The following PDPN variants were observed in gnomAD, a reference collection of about 807,000 sequenced individuals.
The protein encoded by PDPN is PA2.26 antigen.
A neutral mutation model predicts 23.2 loss-of-function variants in PDPN; 12 were observed. That is an observed-to-expected ratio of 0.52 (90% CI 0.33 to 0.84). PDPN has a LOEUF of 0.84. Among genes scored for constraint, PDPN ranks in the 40% least tolerant of loss-of-function variants. The pLI is 0.02. For synonymous variants in PDPN, 77 were observed against 76.7 expected, an observed-to-expected ratio of 1.00 and a Z score of -0.02; for missense variants, 199 against 212.2, an observed-to-expected ratio of 0.94 and a Z score of 0.39.
intron 2 of PDPN, among the ~76,000 whole-genome samples, 182 bp from the exon 3 acceptor site, chr1:13,610,205 A>G (rs556155222): frequency 1.3e-5 from 2 of 152,288 alleles, no homozygotes; most frequent in African/African-American, 4.8e-5. Context: ...TGCTGCTATG[A>G]ACATGTGTGT....
chr1:13,601,080 G>T (rs1022384581), intron 1 of PDPN, among the ~76,000 whole-genome samples: 1 of 152,236 alleles, frequency 6.6e-6, no homozygotes, highest in African/African-American at 2.4e-5. Context: ...GTCAGTGCCA[G>T]ATCTTGAACG....
At chr1:13,595,069 T>C (rs986258055) in intron 1 of PDPN, among the ~76,000 whole-genome samples, 15 of 151,652 alleles carry the variant, frequency 9.9e-5, no homozygotes, top group Non-Finnish European at 2.1e-4. Context: ...CATTCTCCCA[T>C]AAATCCAGCA....
Position 13,617,117 on chromosome 1 carries a change from C to T in PDPN, c.*1206C>T, listed in dbSNP as rs1041291506. 5 of 151,366 alleles carry T rather than the reference C, an allele frequency of 3.3e-5. No individual in the cohort carries two copies. Among genetic ancestry groups the T allele is most frequent in the African/African-American group, 1.2e-4 (5 of 41,298 alleles). 9.4% of individuals were successfully genotyped at this position (151,366 alleles called of 1,614,324 possible). ...AGCCCAAGGGGTCATTCTGTCTCAG[C>T]ACCATCCAGCCTGGCACTTCTCTTC... On this transcript the variant is annotated 3_prime_UTR_variant, in exon 6 of 6. Coordinates refer to ENST00000621990, the MANE Select transcript of PDPN (RefSeq NM_006474.5).
chr1:13,615,533 A>T (rs982818696), intron 5 of PDPN, among the ~76,000 whole-genome samples: 1 of 151,878 alleles, frequency 6.6e-6, no homozygotes, highest in Admixed American at 6.6e-5. Flanking sequence ...TGATCCACCC[A>T]CCTCAGCCTC....
At chr1:13,600,579 G>A (rs1327204686) in intron 1 of PDPN, among the ~76,000 whole-genome samples, 1 of 152,154 alleles carries the variant, frequency 6.6e-6, no homozygotes, top group Non-Finnish European at 1.5e-5. Context: ...TGGCCAGGCT[G>A]GTCTTGAACT....
At chr1:13,612,162 A>G (rs994907137) in intron 3 of PDPN, among the ~76,000 whole-genome samples, 2 of 152,102 alleles carry the variant, frequency 1.3e-5, no homozygotes, top group East Asian at 1.9e-4. Flanking sequence ...TACTTAATAC[A>G]TCGTTATTCC....
chr1:13,584,299 C>T (rs1297922081), intron 1 of PDPN, 199 bp downstream of exon 1: 28 of 1,517,948 alleles, frequency 1.8e-5, no homozygotes, highest in Non-Finnish European at 2.5e-5. Flanking sequence ...GACGCAGCTG[C>T]GCGGGTGTGC....
At chr1:13,615,855 T>C in intron 5 of PDPN, 50 bp from the exon 6 acceptor site, 1 of 1,574,420 alleles carries the variant, frequency 6.4e-7, no homozygotes, top group South Asian at 1.1e-5. Context: ...GGAGTTACTA[T>C]TCACAATGCC....
chr1:13,612,748 C>G (rs1017331765), intron 3 of PDPN, among the ~76,000 whole-genome samples: 1 of 151,988 alleles, frequency 6.6e-6, no homozygotes. Flanking sequence ...GTTTTCAAAC[C>G]CAACCATTAG....
At chr1:13,614,208 G>A in intron 4 of PDPN, 92 bp from the exon 5 acceptor site, 2 of 701,180 alleles carry the variant, frequency 2.9e-6, no homozygotes, top group Middle Eastern at 3.3e-4. Context: ...GCTATGTGCA[G>A]TAGGGCAGTG....
chr1:13,600,810 G>A (rs72867961), intron 1 of PDPN, among the ~76,000 whole-genome samples: 4,917 of 152,124 alleles, frequency 0.032, 252 homozygotes, highest in African/African-American at 0.11. Flanking sequence ...GAAAGGAAAA[G>A]TGGGGATTTG....
rs368396279 is a variant in PDPN, at chr1:13,610,514, C to T, written c.329C>T (p.Thr110Met). 1.4e-5 allele frequency: 23 copies of T among 1,612,962 alleles called. No individual in the cohort carries two copies. The highest frequency in any genetic ancestry group is 8.8e-5 in the South Asian group (8 of 90,950). ...TASNVATSHS[T>M]EKVDGDTQTT... ...TCAAACGTGGCCACCAGTCACTCCA[C>T]GGGTAAGAAAACCAGCCACCTCCAT... is the stretch of plus-strand genomic sequence containing the variant. Residue 110 changes from threonine (T) to methionine (M), a missense_variant and splice_region_variant, in exon 3 of 6, where the codon ACG becomes ATG. By Grantham distance (81) the Thr-to-Met change is moderately conservative. Coordinates refer to ENST00000621990, the MANE Select transcript of PDPN (RefSeq NM_006474.5).
chr1:13,607,717 G>C (rs1300444511), intron 2 of PDPN, among the ~76,000 whole-genome samples: 1 of 152,168 alleles, frequency 6.6e-6, no homozygotes, highest in African/African-American at 2.4e-5. Flanking sequence ...AAGGAGCCAG[G>C]ATTTTACATT....
At chr1:13,585,912 C>T (rs539079519) in intron 1 of PDPN, among the ~76,000 whole-genome samples, 1 of 152,104 alleles carries the variant, frequency 6.6e-6, no homozygotes, top group Non-Finnish European at 1.5e-5. Flanking sequence ...ATTTTATGAT[C>T]CTTTTCATAA....
chr1:13,610,560 A>G, intron 3 of PDPN, 44 bp downstream of exon 3: 1 of 1,594,126 alleles, frequency 6.3e-7, no homozygotes, highest in East Asian at 2.2e-5. Flanking sequence ...CTACTTTTGC[A>G]TAATTGGTGC....
rs1405175177 is a variant in PDPN, at chr1:13,601,421, A to G, written c.68-5752A>G. 8.5e-5 allele frequency among the ~76,000 whole-genome samples: 13 copies of G among 152,230 alleles called. 1 individual carries two copies. Among genetic ancestry groups the G allele is most frequent in the Non-Finnish European group, 1.5e-4 (10 of 68,040 alleles). On this transcript the variant is annotated intron_variant, in intron 1 of 5. Transcript: ENST00000621990. ...ACCCAGGCTGCAGTGCAGTGGCACA[A>G]TCTTGGCTCCCTGCAACGTCTGCCT...
chr1:13,597,700 G>GT (rs1640532276), intron 1 of PDPN, among the ~76,000 whole-genome samples: 1 of 152,190 alleles, frequency 6.6e-6, no homozygotes, highest in Non-Finnish European at 1.5e-5. Flanking sequence ...CAGTAGAGCT[G>GT]TAACAGGTGG....
At chr1:13,613,869 G>GTT in intron 4 of PDPN, 144 bp downstream of exon 4, 1 of 241,704 alleles carries the variant, frequency 4.1e-6, no homozygotes, top group Non-Finnish European at 7.4e-6. Context: ...CAGATTTCAA[G>GTT]CTTTTTTTTT....
chr1:13,610,344 G>A lies in PDPN; in HGVS notation c.202-43G>A, dbSNP rs41269209. On this transcript the variant is annotated intron_variant, in intron 2 of 5. Coordinates refer to ENST00000621990, the MANE Select transcript of PDPN (RefSeq NM_006474.5). ...AGGCAGGGGATATATTTTAAAGACAGTAGGCTTTATTTCCTGTTTTTCCTC... is the reference window on the plus strand; with the variant it reads ...AGGCAGGGGATATATTTTAAAGACAATAGGCTTTATTTCCTGTTTTTCCTC... 5.5e-3 allele frequency: 8,666 copies of A among 1,575,502 alleles called. 63 individuals are homozygous for A. Among genetic ancestry groups the A allele is most frequent in the Middle Eastern group, 0.024 (143 of 5,954 alleles).
Sources: gnomAD v4.1 joint callset for allele counts (sites outside exome capture counted in the v4.1 genomes callset) on GRCh38, gnomAD v4.1.1 for gene constraint, MANE v1.5 for transcripts, NCBI Gene and HGNC (gene_info 2026-07-23, HGNC 2026-07-21) for gene names.